Variants in CSNK1G1 observed in about 807,000 individuals in gnomAD.
CSNK1G1 encodes the protein casein kinase I isoform gamma-1.
A neutral mutation model predicts 59.6 loss-of-function variants in CSNK1G1; 22 were observed. The observed-to-expected ratio is 0.37, with a 90% CI of 0.26 to 0.53. The LOEUF (loss-of-function observed/expected upper bound fraction) is 0.53, where lower values mean the gene tolerates loss of function less well. Ranked by LOEUF, CSNK1G1 falls within the 20% of genes least tolerant of loss-of-function variation. The pLI is 0.89. For missense variants in CSNK1G1, 384 were observed against 519.5 expected, an observed-to-expected ratio of 0.74 and a Z score of 2.54; for synonymous variants, 179 against 177.1, an observed-to-expected ratio of 1.01 and a Z score of -0.08.
chr15:64,253,420 A>G (rs2140321407), intron 3 of CSNK1G1, among the ~76,000 whole-genome samples: 1 of 152,308 alleles, frequency 6.6e-6, no homozygotes, highest in Middle Eastern at 3.4e-3. Context: ...CAGAAAAATA[A>G]CAAGTGTTGA....
intron 10 of CSNK1G1, among the ~76,000 whole-genome samples, chr15:64,195,894 G>C (rs1262465143): frequency 6.6e-6 from 1 of 152,144 alleles, no homozygotes; most frequent in Non-Finnish European, 1.5e-5. Flanking sequence ...CAAATTCATA[G>C]TTTAATTATA....
chr15:64,186,073 C>T (rs1362618927), intron 10 of CSNK1G1, among the ~76,000 whole-genome samples: 2 of 152,058 alleles, frequency 1.3e-5, no homozygotes, highest in African/African-American at 4.8e-5. Flanking sequence ...CTTTCCTGTG[C>T]TGGATCTCTG....
At chr15:64,350,372 G>A (rs535917966) in intron 1 of CSNK1G1, among the ~76,000 whole-genome samples, 1 of 151,960 alleles carries the variant, frequency 6.6e-6, no homozygotes, top group Non-Finnish European at 1.5e-5. Flanking sequence ...GTGGTGGCAG[G>A]CACCTGTAGT....
chr15:64,312,787 G>A (rs1896063183), intron 1 of CSNK1G1, among the ~76,000 whole-genome samples: 1 of 152,124 alleles, frequency 6.6e-6, no homozygotes, highest in African/African-American at 2.4e-5. Flanking sequence ...CTGCTGCACA[G>A]CAAAAGAAAC....
In CSNK1G1 at chr15:64,319,199, T is replaced by C. The variant is rs117451633; in HGVS notation, c.-224-18476A>G. Among the ~76,000 whole-genome samples, 35 of 152,280 alleles carry C rather than the reference T, an allele frequency of 2.3e-4. No individual in the cohort carries two copies. The East Asian group carries it at 6.6e-3, about 29-fold the overall frequency. On this transcript the variant is annotated intron_variant, in intron 1 of 11. Transcript: ENST00000303052. ...CATCTTTTCCAGAGAACTATTTACT[T>C]TGGACAAATGTTTCTAATGAGGTTC...
At chr15:64,265,927 A>T (rs1374112922) in intron 2 of CSNK1G1, 10 of 424,594 alleles carry the variant, frequency 2.4e-5, no homozygotes, top group East Asian at 7.1e-5. Context: ...GCAAAAAAAA[A>T]TTTTTAATTA....
intron 3 of CSNK1G1, among the ~76,000 whole-genome samples, chr15:64,254,789 A>C (rs556302708): frequency 6.6e-6 from 1 of 152,124 alleles, no homozygotes; most frequent in Non-Finnish European, 1.5e-5. Context: ...AAAGTTTTAA[A>C]TTTTGCTGAA....
intron 4 of CSNK1G1, among the ~76,000 whole-genome samples, chr15:64,221,156 C>T (rs150907544): frequency 1.8e-4 from 28 of 152,290 alleles, no homozygotes; most frequent in African/African-American, 2.9e-4. Flanking sequence ...TTACTCCATT[C>T]GTTGGTTAAA....
intron 5 of CSNK1G1, among the ~76,000 whole-genome samples, chr15:64,215,492 G>A (rs971029812): frequency 3.9e-5 from 6 of 152,100 alleles, no homozygotes; most frequent in Admixed American, 2.6e-4. Context: ...GATTACAGGC[G>A]TGAGCCACCA....
At chr15:64,265,928 T>G (rs959401951) in intron 2 of CSNK1G1, 2 of 419,186 alleles carry the variant, frequency 4.8e-6, no homozygotes, top group Non-Finnish European at 9.6e-6. Context: ...CAAAAAAAAA[T>G]TTTTAATTAG....
At chr15:64,239,955 C>T (rs979630149) in intron 4 of CSNK1G1, among the ~76,000 whole-genome samples, 17 of 152,246 alleles carry the variant, frequency 1.1e-4, no homozygotes, top group Admixed American at 5.9e-4. Flanking sequence ...CAAAATAAGG[C>T]GGGAGCAATG....
chr15:64,241,907 CAA>C (rs1051234639), intron 4 of CSNK1G1, among the ~76,000 whole-genome samples: 8 of 147,414 alleles, frequency 5.4e-5, no homozygotes, highest in Non-Finnish European at 1.2e-4. Flanking sequence ...ATCAATGAAA[CAA>C]AAAGTTGTTT....
chr15:64,235,724 A>C (rs1433381424), intron 4 of CSNK1G1, among the ~76,000 whole-genome samples: 1 of 152,216 alleles, frequency 6.6e-6, no homozygotes, highest in Non-Finnish European at 1.5e-5. Context: ...GACTGTGTTA[A>C]TGAGAACATA....
chr15:64,269,947 G>C (rs1342982158), intron 2 of CSNK1G1, among the ~76,000 whole-genome samples: 1 of 151,892 alleles, frequency 6.6e-6, no homozygotes, highest in African/African-American at 2.4e-5. Flanking sequence ...GAAATTACAG[G>C]TGCACGCCAC....
At chr15:64,318,306 CA>C (rs990002576) in intron 1 of CSNK1G1, among the ~76,000 whole-genome samples, 1 of 151,170 alleles carries the variant, frequency 6.6e-6, no homozygotes. Flanking sequence ...AGTGTATGCT[CA>C]AAAAAAATAG....
intron 10 of CSNK1G1, among the ~76,000 whole-genome samples, chr15:64,194,637 C>T (rs1233616538): frequency 6.6e-6 from 1 of 151,746 alleles, no homozygotes; most frequent in Non-Finnish European, 1.5e-5. Context: ...CTACCTCAGC[C>T]TCCCAAGTAG....
rs1476941215 is a variant in CSNK1G1 at position 64,180,284 on chromosome 15, G to A, written c.1214+64C>T. 5.2e-6 allele frequency: 6 copies of A among 1,156,494 alleles called. No homozygotes were observed. The Admixed American group carries it at 1.0e-4, about 20-fold the overall frequency. 71.6% of individuals were successfully genotyped at this position (1,156,494 alleles called of 1,614,324 possible). A position where few individuals can be genotyped will look rare whatever the true frequency, so the allele number is the denominator to read the frequency against. Reference sequence around the variant, plus strand: ...CAGTCTGAGACGAGCAGCACACAGAGAGGAAGAGACAGAAAAGATTTTTCA... The same window carrying A: ...CAGTCTGAGACGAGCAGCACACAGAAAGGAAGAGACAGAAAAGATTTTTCA... On this transcript the variant is annotated intron_variant, in intron 11 of 11. Transcript: ENST00000303052.
intron 4 of CSNK1G1, among the ~76,000 whole-genome samples, chr15:64,217,840 A>G (rs1233414696): frequency 6.6e-6 from 1 of 151,858 alleles, no homozygotes; most frequent in East Asian, 1.9e-4. Context: ...AAGATTATAG[A>G]ACACTTAAAA....
At chr15:64,219,353 A>G (rs2082355724) in intron 4 of CSNK1G1, among the ~76,000 whole-genome samples, 9 of 152,238 alleles carry the variant, frequency 5.9e-5, no homozygotes, top group Admixed American at 3.9e-4. Context: ...TATGTCCTAT[A>G]TAAGGATTTA....
Sources: allele counts gnomAD v4.1 joint callset (sites outside exome capture counted in the v4.1 genomes callset), GRCh38; gene constraint gnomAD v4.1.1; transcripts MANE v1.5; gene names NCBI Gene and HGNC (gene_info 2026-07-23, HGNC 2026-07-21).